BRSK2: variants seen among roughly 807,000 people sequenced by gnomAD.
BRSK2 encodes the protein serine/threonine-protein kinase BRSK2.
BRSK2 carries 19 observed loss-of-function variants against 83.3 expected under a neutral mutation model. That is an observed-to-expected ratio of 0.23 (90% CI 0.16 to 0.33). BRSK2 has a LOEUF of 0.33. BRSK2 is among the 10% of genes least tolerant of loss of function. The pLI, the probability that BRSK2 is intolerant of heterozygous loss-of-function variation, is 1.00. For synonymous variants in BRSK2, 519 were observed against 435.4 expected (o/e 1.19, Z -2.39); for missense variants, 798 against 1,042.3 (o/e 0.77, Z 3.23).
Position 1,390,067 on chromosome 11 carries a change from C to G in BRSK2, c.-218C>G, listed in dbSNP as rs1013475393. On this transcript the variant is annotated 5_prime_UTR_variant, in exon 1 of 20. Transcript: ENST00000528841. This position sits in a 1 kb window ranked among gnomAD's most constrained non-coding sequence, Gnocchi z 6.8. ...CGCCCGCCCTGTCCTCTCGACGAGG[C>G]GGAGGCGTCGCCGCGGGCCAGGCCT... The G allele has an allele frequency of 1.4e-5, 2 of 147,776 alleles. No individual in the cohort carries two copies. The highest frequency in any genetic ancestry group is 4.9e-5 in the African/African-American group (2 of 40,840). 9.2% of individuals were successfully genotyped at this position (147,776 alleles called of 1,614,324 possible).
chr11:1,447,087 C>G (rs1164450692), intron 12 of BRSK2, among the ~76,000 whole-genome samples: 1 of 151,972 alleles, frequency 6.6e-6, no homozygotes, highest in Non-Finnish European at 1.5e-5. Flanking sequence ...CCCAGGGTTT[C>G]AGGCTGGCCC....
chr11:1,402,439 C>A (rs1846542235), intron 1 of BRSK2, among the ~76,000 whole-genome samples: 1 of 152,340 alleles, frequency 6.6e-6, no homozygotes, highest in South Asian at 2.1e-4. Context: ...CAAGCTGCCT[C>A]CACCTGAACC....
At chr11:1,397,647 A>C (rs11822087) in intron 1 of BRSK2, among the ~76,000 whole-genome samples, 36,356 of 152,148 alleles carry the variant, frequency 0.24, 4,608 homozygotes, top group African/African-American at 0.29. Context: ...GTGGATGGCA[A>C]GGTCCCATCG....
chr11:1,456,570 C>T, intron 17 of BRSK2, 28 bp from the exon 18 acceptor site: 1 of 1,607,730 alleles, frequency 6.2e-7, no homozygotes, highest in Middle Eastern at 1.7e-4. Context: ...CCAGGCCCGT[C>T]CAGGGCATAA....
intron 1 of BRSK2, among the ~76,000 whole-genome samples, chr11:1,433,482 A>C (rs897625837): frequency 6.6e-6 from 1 of 152,110 alleles, no homozygotes. Context: ...GTTTGTCCTG[A>C]GGGTTTTTAG....
intron 1 of BRSK2, among the ~76,000 whole-genome samples, chr11:1,427,126 CCT>C (rs1020791463): frequency 2.6e-5 from 4 of 152,160 alleles, no homozygotes; most frequent in Non-Finnish European, 5.9e-5. Flanking sequence ...CCCCCCATCC[CCT>C]CTCTCCCCAC....
chr11:1,452,062 T>C (rs902088298), intron 15 of BRSK2, among the ~76,000 whole-genome samples: 3 of 152,120 alleles, frequency 2.0e-5, no homozygotes, highest in Non-Finnish European at 2.9e-5. Context: ...TGTACACATA[T>C]GAGCCTGCAG....
intron 1 of BRSK2, among the ~76,000 whole-genome samples, chr11:1,396,277 TCCCCCA>T (rs1846102834): frequency 1.3e-5 from 2 of 148,492 alleles, no homozygotes; most frequent in Non-Finnish European, 3.0e-5. Context: ...TCCACCCACG[TCCCCCA>T]CTCCTGGTCC....
At chr11:1,444,706 C>T (rs1428504213) in intron 8 of BRSK2, among the ~76,000 whole-genome samples, 8 of 151,904 alleles carry the variant, frequency 5.3e-5, no homozygotes, top group South Asian at 2.1e-4. Flanking sequence ...GCACCCCCTC[C>T]GACTCCAGCT....
intron 1 of BRSK2, among the ~76,000 whole-genome samples, chr11:1,404,648 A>C (rs1467713847): frequency 6.6e-6 from 1 of 152,144 alleles, no homozygotes; most frequent in Non-Finnish European, 1.5e-5. Context: ...CCCTGCCTCT[A>C]AGACCACAAG....
chr11:1,393,174 C>T lies in BRSK2; in HGVS notation c.91+2799C>T, dbSNP rs116002702. Among the ~76,000 whole-genome samples the T allele has an allele frequency of 4.6e-3, 697 of 152,294 alleles. 8 individuals carry two copies. Among genetic ancestry groups the T allele is most frequent in the African/African-American group, 0.016 (659 of 41,564 alleles). On this transcript the variant is annotated intron_variant, in intron 1 of 19. Transcript: ENST00000528841. ...AAGGGCAACCATGGAGGTTGGAGGG[C>T]GCAGACACTCCGAGTTGGAGCATGC...
chr11:1,448,545 C>G (rs576966621), intron 12 of BRSK2, among the ~76,000 whole-genome samples: 2 of 151,908 alleles, frequency 1.3e-5, no homozygotes, highest in African/African-American at 2.4e-5. Context: ...GCCCCTCCAC[C>G]CCGGGGTTTC....
rs1005198883 is a variant in BRSK2 at position 1,423,689 on chromosome 11, G to A, written c.92-12351G>A. ...CCAAGCCTCCCCCGCTGGGCGTTCCGGGTGCCCCAGGCCTCCCCCGCTGGG... is the reference window on the plus strand; with the variant it reads ...CCAAGCCTCCCCCGCTGGGCGTTCCAGGTGCCCCAGGCCTCCCCCGCTGGG... On this transcript the variant is annotated intron_variant, in intron 1 of 19. Transcript: ENST00000528841. The surrounding 1 kb of genome is among the most constrained non-coding windows in gnomAD (Gnocchi z 6.5). Among the ~76,000 whole-genome samples the A allele has an allele frequency of 8.6e-5, 12 of 138,932 alleles. No individual in the cohort carries two copies. The highest frequency in any genetic ancestry group is 2.1e-4 in the African/African-American group (7 of 32,582). 91.1% of individuals were successfully genotyped at this position (138,932 alleles called of 152,430 possible).
At chr11:1,440,667 G>A in intron 3 of BRSK2, 121 bp from the exon 4 acceptor site, 1 of 1,237,234 alleles carries the variant, frequency 8.1e-7, no homozygotes, top group Non-Finnish European at 1.1e-6. Context: ...CCCCCAGCCA[G>A]CAAGAGGATG....
intron 1 of BRSK2, among the ~76,000 whole-genome samples, chr11:1,391,088 A>G (rs1314737035): frequency 1.3e-5 from 2 of 152,180 alleles, no homozygotes; most frequent in Non-Finnish European, 2.9e-5. Flanking sequence ...CTGTCATTCT[A>G]GGGAACAGGC....
intron 1 of BRSK2, among the ~76,000 whole-genome samples, chr11:1,399,053 G>A (rs796330117): frequency 1.1e-4 from 17 of 152,282 alleles, no homozygotes; most frequent in African/African-American, 3.1e-4. Flanking sequence ...GAATGACTCC[G>A]TCCCTTCCAC....
chr11:1,454,522 C>T lies in BRSK2; in HGVS notation c.1582C>T (p.Leu528=). The T allele has an allele frequency of 6.2e-7, 1 of 1,613,272 alleles. No homozygotes were observed. The highest frequency in any genetic ancestry group is 1.1e-5 in the South Asian group (1 of 91,074). Reference sequence around the variant, plus strand: ...GTCCTGGTTTGGGAACTTCATCAGCCTGGAGAAGGAGGAGCAGATCTTCGT... The same window carrying T: ...GTCCTGGTTTGGGAACTTCATCAGCTTGGAGAAGGAGGAGCAGATCTTCGT... The part of the protein sequence containing the change: ...KKSWFGNFIS[L]EKEEQIFVVI... The change falls in exon 16 of 20, where the codon CTG becomes TTG. Residue 528 remains leucine, a synonymous_variant. Coordinates refer to ENST00000528841, the MANE Select transcript of BRSK2 (RefSeq NM_001256627.2). This position sits in a 1 kb window ranked among gnomAD's most constrained non-coding sequence, Gnocchi z 5.2.
intron 1 of BRSK2, among the ~76,000 whole-genome samples, chr11:1,402,789 GAC>G (rs1444207856): frequency 6.6e-6 from 1 of 152,176 alleles, no homozygotes; most frequent in Non-Finnish European, 1.5e-5. Context: ...GGGGGCAGCT[GAC>G]ACACGGGGAG....
intron 1 of BRSK2, among the ~76,000 whole-genome samples, chr11:1,399,038 C>T (rs770855946): frequency 2.6e-5 from 4 of 152,208 alleles, no homozygotes; most frequent in Non-Finnish European, 4.4e-5. Flanking sequence ...TGCAGGGGGG[C>T]TGCGGAATGA....
Sources: gnomAD v4.1 joint callset for allele counts (sites outside exome capture counted in the v4.1 genomes callset) on GRCh38, gnomAD v4.1.1 for gene constraint, Gnocchi (gnomAD v3.1) non-coding constraint, MANE v1.5 for transcripts, NCBI Gene and HGNC (gene_info 2026-07-23, HGNC 2026-07-21) for gene names.